Variants in SFRP4 observed in about 807,000 individuals in gnomAD.
The protein encoded by SFRP4 is secreted frizzled-related protein 4.
SFRP4 carries 25 observed loss-of-function variants against 36.3 expected under a neutral mutation model. That is an observed-to-expected ratio of 0.69 (90% CI 0.50 to 0.96). The LOEUF (loss-of-function observed/expected upper bound fraction) is 0.96, where lower values mean the gene tolerates loss of function less well. Ranked by LOEUF, SFRP4 falls within the 40% of genes least tolerant of loss-of-function variation. The pLI, the probability that SFRP4 is intolerant of heterozygous loss-of-function variation, is 0.00. For synonymous variants in SFRP4, 182 were observed against 168.8 expected (o/e 1.08, Z -0.60); for missense variants, 487 against 459.6 (o/e 1.06, Z -0.54).
rs977617649 is a variant in SFRP4, at chr7:37,916,623, G to A, written c.-86C>T. ...CCTCATCTTTCGCTGTCCCTTCGCC[G>A]AGGAAGAAATCCTCTGGGGCGCAGG... is the stretch of plus-strand genomic sequence containing the variant. On this transcript the variant is annotated 5_prime_UTR_variant, in exon 1 of 6. Transcript: ENST00000436072. The surrounding 1 kb of genome is among the most constrained non-coding windows in gnomAD (Gnocchi z 4.1). The A allele has an allele frequency of 4.1e-5, 61 of 1,500,242 alleles. No homozygotes were observed. The highest frequency in any genetic ancestry group is 5.3e-5 in the Non-Finnish European group (60 of 1,122,928). The allele number at this position is 1,500,242 out of a possible 1,614,324, so 92.9% of individuals were successfully genotyped here. A position where few individuals can be genotyped will look rare whatever the true frequency, so the allele number is the denominator to read the frequency against.
chr7:37,911,922 CAT>C (rs1326906808), intron 4 of SFRP4, among the ~76,000 whole-genome samples, 195 bp downstream of exon 4: 1 of 152,194 alleles, frequency 6.6e-6, no homozygotes, highest in Non-Finnish European at 1.5e-5. Context: ...TTCAAATACT[CAT>C]ATTTTGATTT....
Position 37,908,207 on chromosome 7 carries a change from G to A in SFRP4, c.856-543C>T, listed in dbSNP as rs183813628. On this transcript the variant is annotated intron_variant, in intron 5 of 5. Transcript: ENST00000436072. ...CTTCTACACCTAGTCATCCGCTAAC[G>A]TGCTAGCTATCCAGAACCATTGGGA... is the stretch of plus-strand genomic sequence containing the variant. 2.1e-4 allele frequency among the ~76,000 whole-genome samples: 32 copies of A among 152,256 alleles called. No homozygotes were observed. In the East Asian group the frequency reaches 5.6e-3, roughly 27 times the overall value.
rs1234998766 is a variant in SFRP4, at chr7:37,907,206, A to G, written c.*273T>C. The G allele has an allele frequency of 3.1e-6, 1 of 320,030 alleles. No individual in the cohort carries two copies. The highest frequency in any genetic ancestry group is 5.7e-6 in the Non-Finnish European group (1 of 176,870). The allele number at this position is 320,030 out of a possible 1,614,324, so 19.8% of individuals were successfully genotyped here. ...TTCCCTACTCTTCTAGAGTATGCAC[A>G]CAGGTTACTCTGAATGCAATGCAAT... is the stretch of plus-strand genomic sequence containing the variant. On this transcript the variant is annotated 3_prime_UTR_variant, in exon 6 of 6. Transcript: ENST00000436072.
intron 3 of SFRP4, 65 bp downstream of exon 3, chr7:37,914,148 T>C (rs1164383123): frequency 7.9e-7 from 1 of 1,262,582 alleles, no homozygotes; most frequent in Non-Finnish European, 1.2e-6. Context: ...AGAGCGACCT[T>C]ATTGAGATTC....
intron 1 of SFRP4, among the ~76,000 whole-genome samples, chr7:37,914,947 A>G (rs977982938): frequency 7.2e-5 from 11 of 152,244 alleles, no homozygotes; most frequent in Non-Finnish European, 1.2e-4. Flanking sequence ...AATGATATCC[A>G]GGGCTTAGGA....
chr7:37,906,415 T>C lies in SFRP4; in HGVS notation c.*1064A>G, dbSNP rs1238868338. ...AAATGCTGCAAGATAAGTTCTTTTT[T>C]TCTGATTAAAGTATCCCAACTGTCA... On this transcript the variant is annotated 3_prime_UTR_variant, in exon 6 of 6. Transcript: ENST00000436072. 6.6e-6 allele frequency: 1 copy of C among 152,220 alleles called. No homozygotes were observed. The highest frequency in any genetic ancestry group is 1.5e-5 in the Non-Finnish European group (1 of 68,034). 9.4% of individuals were successfully genotyped at this position (152,220 alleles called of 1,614,324 possible). A position where few individuals can be genotyped will look rare whatever the true frequency, so the allele number is the denominator to read the frequency against.
In SFRP4 at chr7:37,916,067, T is replaced by G. The variant is rs1785569940; in HGVS notation, c.445+26A>C. Reference sequence around the variant, plus strand: ...CCACAGCCCCGGGCGCCTCCTCGCCTCCCTCCATCCTTCCTACGGCCTCAC... The same window carrying G: ...CCACAGCCCCGGGCGCCTCCTCGCCGCCCTCCATCCTTCCTACGGCCTCAC... On this transcript the variant is annotated intron_variant, in intron 1 of 5. Transcript: ENST00000436072. The surrounding 1 kb of genome is among the most constrained non-coding windows in gnomAD (Gnocchi z 4.1). 1 of 1,592,622 alleles carries G rather than the reference T, an allele frequency of 6.3e-7. No individual in the cohort carries two copies. The highest frequency in any genetic ancestry group is 1.7e-5 in the Admixed American group (1 of 59,118).
intron 4 of SFRP4, among the ~76,000 whole-genome samples, 175 bp downstream of exon 4, chr7:37,911,944 T>TA (rs1554370148): frequency 1.3e-5 from 2 of 152,342 alleles, no homozygotes; most frequent in Admixed American, 6.5e-5. Context: ...TTTCCTTCAT[T>TA]CTATGAAGAA....
chr7:37,912,053 C>A (rs1785496469), intron 4 of SFRP4, 66 bp downstream of exon 4: 1 of 1,257,686 alleles, frequency 8.0e-7, no homozygotes, highest in Admixed American at 2.0e-5. Context: ...TAAACCATGA[C>A]TGCTAACTGA....
At chr7:37,907,947 A>C (rs984255082) in intron 5 of SFRP4, among the ~76,000 whole-genome samples, 1 of 152,192 alleles carries the variant, frequency 6.6e-6, no homozygotes, top group Non-Finnish European at 1.5e-5. Context: ...TTTGCAGTGC[A>C]CAGAGCTGGT....
At position 37,912,027 on chromosome 7, in the gene SFRP4, A is replaced by G. The variant is rs150443988; in HGVS notation, c.791+92T>C. On this transcript the variant is annotated intron_variant, in intron 4 of 5. Coordinates refer to ENST00000436072, the MANE Select transcript of SFRP4 (RefSeq NM_003014.4). Reference sequence around the variant, plus strand: ...AATTTTTTTAAAAAGACTTTGGCATATTTTTGTTATATTTTTAAACCATGA... The same window carrying G: ...AATTTTTTTAAAAAGACTTTGGCATGTTTTTGTTATATTTTTAAACCATGA... 6.2e-3 allele frequency: 5,897 copies of G among 956,432 alleles called. 31 individuals carry two copies. The highest frequency in any genetic ancestry group is 7.7e-3 in the Middle Eastern group (27 of 3,506). 59.2% of individuals were successfully genotyped at this position (956,432 alleles called of 1,614,324 possible).
Position 37,916,180 on chromosome 7 carries a change from G to C in SFRP4, c.358C>G (p.Pro120Ala). 6.2e-7 allele frequency: 1 copy of C among 1,614,164 alleles called. No individual in the cohort carries two copies. The change falls in exon 1 of 6, where the codon CCC becomes GCC. Residue 120 changes from proline to alanine, a missense_variant. Transcript: ENST00000436072. The surrounding 1 kb of genome is among the most constrained non-coding windows in gnomAD (Gnocchi z 4.1). Reference sequence around the variant, plus strand: ...AGCTCGTCGCAGGCCAGGCTTTCGGGCCAGCTGTGGTTGTACATCTTCATG... The same window carrying C: ...AGCTCGTCGCAGGCCAGGCTTTCGGCCCAGCTGTGGTTGTACATCTTCATG... ...PLMKMYNHSW[P>A]ESLACDELPV...
chr7:37,912,430 G>A (rs930635776), intron 3 of SFRP4, 113 bp from the exon 4 acceptor site: 4 of 832,402 alleles, frequency 4.8e-6, no homozygotes, highest in African/African-American at 1.7e-5. Context: ...TGTAATTATG[G>A]TTATGTCCAA....
At position 37,906,499 on chromosome 7, in the gene SFRP4, C is replaced by T. The variant is rs1157182545; in HGVS notation, c.*980G>A. 6.6e-6 allele frequency: 1 copy of T among 152,158 alleles called. No individual in the cohort carries two copies. Among genetic ancestry groups the T allele is most frequent in the Non-Finnish European group, 1.5e-5 (1 of 68,018 alleles). The allele number at this position is 152,158 out of a possible 1,614,324, so 9.4% of individuals were successfully genotyped here. On this transcript the variant is annotated 3_prime_UTR_variant, in exon 6 of 6. Coordinates refer to ENST00000436072, the MANE Select transcript of SFRP4 (RefSeq NM_003014.4). ...TTCCTCTCTGTACATTTATATTTAA[C>T]TCCTCTCACATGTATTTAGGCAAAG...
rs1222351443 is a variant in SFRP4 at position 37,907,523 on chromosome 7, T to C, written c.997A>G (p.Lys333Glu). The change falls in exon 6 of 6, where the codon AAA becomes GAA. Residue 333 changes from lysine (K) to glutamate (E), a missense_variant. Physicochemically the swap from Lys to Glu is moderately conservative, Grantham distance 56. Coordinates refer to ENST00000436072, the MANE Select transcript of SFRP4 (RefSeq NM_003014.4). ...PKPASPKKNI[K>E]TRSAQKRTNP... ...GTTCTCTTCTGGGCACTCCTAGTTTTAATGTTCTTCTTGGGACTGGCTGGT... is the reference window on the plus strand; with the variant it reads ...GTTCTCTTCTGGGCACTCCTAGTTTCAATGTTCTTCTTGGGACTGGCTGGT... The C allele has an allele frequency of 6.2e-7, 1 of 1,613,826 alleles. No individual in the cohort carries two copies. Among genetic ancestry groups the C allele is most frequent in the African/African-American group, 1.3e-5 (1 of 74,910 alleles).
In SFRP4 at chr7:37,914,297, G is replaced by T; in HGVS notation, c.527-19C>A. The stretch of plus-strand genomic sequence containing the variant: ...CACCGATCTAAAAAAGGCAGAAGAG[G>T]CAGAAAGTTGGAAAAAGAACAGAAA... On this transcript the variant is annotated intron_variant, in intron 2 of 5. Coordinates refer to ENST00000436072, the MANE Select transcript of SFRP4 (RefSeq NM_003014.4). The T allele has an allele frequency of 6.2e-7, 1 of 1,613,866 alleles. No homozygotes were observed. The highest frequency in any genetic ancestry group is 8.5e-7 in the Non-Finnish European group (1 of 1,179,704).
rs1785412789 is a variant in SFRP4, at chr7:37,907,424, G to A, written c.*55C>T. 2.0e-6 allele frequency: 3 copies of A among 1,516,232 alleles called. No homozygotes were observed. The South Asian group carries it at 3.7e-5, about 19-fold the overall frequency. The allele number at this position is 1,516,232 out of a possible 1,614,324, so 93.9% of individuals were successfully genotyped here. On this transcript the variant is annotated 3_prime_UTR_variant, in exon 6 of 6. Coordinates refer to ENST00000436072, the MANE Select transcript of SFRP4 (RefSeq NM_003014.4). ...CCTTACATAGGCTGTCCCAGGCAAT[G>A]CCCAGCCTCATCCTGTAAGGAAGTC...
chr7:37,916,783 C>A lies in SFRP4; in HGVS notation c.-246G>T. Reference sequence around the variant, plus strand: ...TCGGGGCGCGAACCCGCCCGGGCAGCTCCAGTCCCGGACTCCGCAGCTCGG... The same window carrying A: ...TCGGGGCGCGAACCCGCCCGGGCAGATCCAGTCCCGGACTCCGCAGCTCGG... On this transcript the variant is annotated 5_prime_UTR_variant, in exon 1 of 6. Transcript: ENST00000436072. The surrounding 1 kb of genome is among the most constrained non-coding windows in gnomAD (Gnocchi z 4.1). 2 of 600,646 alleles carry A rather than the reference C, an allele frequency of 3.3e-6. No homozygotes were observed. Among genetic ancestry groups the A allele is most frequent in the East Asian group, 5.7e-5 (2 of 35,230 alleles). 37.2% of individuals were successfully genotyped at this position (600,646 alleles called of 1,614,324 possible). A position where few individuals can be genotyped will look rare whatever the true frequency, so the allele number is the denominator to read the frequency against.
At chr7:37,914,330 G>A (rs762004233) in intron 2 of SFRP4, 43 bp downstream of exon 2, 1 of 1,609,306 alleles carries the variant, frequency 6.2e-7, no homozygotes, top group South Asian at 1.1e-5. Flanking sequence ...AAATCACTCT[G>A]GAGAGGAGAA....
Sources: allele counts gnomAD v4.1 joint callset (sites outside exome capture counted in the v4.1 genomes callset), GRCh38; gene constraint gnomAD v4.1.1; non-coding constraint Gnocchi (gnomAD v3.1); transcripts MANE v1.5; gene names NCBI Gene and HGNC (gene_info 2026-07-23, HGNC 2026-07-21).